The following SH3RF3 variants were observed in gnomAD, a reference collection of about 807,000 sequenced individuals.
SH3RF3 encodes the protein E3 ubiquitin-protein ligase SH3RF3.
In SH3RF3, 29 loss-of-function variants were observed where a neutral mutation model predicts 66.3. That is an observed-to-expected ratio of 0.44 (90% confidence interval 0.33 to 0.60). SH3RF3 has a LOEUF of 0.60. Ranked by LOEUF, SH3RF3 falls within the 20% of genes least tolerant of loss-of-function variation. SH3RF3 has a pLI of 0.04. For missense variants in SH3RF3, 1,194 were observed against 1,190.9 expected (o/e 1.00, Z -0.04); for synonymous variants, 583 against 532.0 (o/e 1.10, Z -1.32).
intron 1 of SH3RF3, among the ~76,000 whole-genome samples, chr2:109,241,336 G>A (rs576829968): frequency 2.6e-5 from 4 of 152,170 alleles, no homozygotes; most frequent in Non-Finnish European, 5.9e-5. Context: ...AGCATTTGAA[G>A]TGGAAAAAAA....
At chr2:109,263,536 TCA>T (rs371241861) in intron 1 of SH3RF3, among the ~76,000 whole-genome samples, 34 of 152,352 alleles carry the variant, frequency 2.2e-4, no homozygotes, top group African/African-American at 6.7e-4. Context: ...ATTGATTCTC[TCA>T]GTTTTATTCC....
chr2:109,306,809 A>T (rs1273172518), intron 1 of SH3RF3, among the ~76,000 whole-genome samples: 1 of 152,202 alleles, frequency 6.6e-6, no homozygotes, highest in African/African-American at 2.4e-5. Context: ...CTGGTTGATT[A>T]CGTATTTCCT....
At chr2:109,259,417 G>A (rs964845481) in intron 1 of SH3RF3, among the ~76,000 whole-genome samples, 1 of 152,230 alleles carries the variant, frequency 6.6e-6, no homozygotes, top group Non-Finnish European at 1.5e-5. Flanking sequence ...GGTCTACTCT[G>A]TTGTGATTTC....
At chr2:109,334,387 A>C (rs1682358705) in intron 1 of SH3RF3, among the ~76,000 whole-genome samples, 1 of 151,968 alleles carries the variant, frequency 6.6e-6, no homozygotes, top group African/African-American at 2.4e-5. Context: ...ATCTTAAAAA[A>C]AAATAAAGAC....
At chr2:109,215,524 C>T (rs559590312) in intron 1 of SH3RF3, among the ~76,000 whole-genome samples, 2 of 152,176 alleles carry the variant, frequency 1.3e-5, no homozygotes, top group East Asian at 3.9e-4. Context: ...TCGGAGTGCA[C>T]TCCTGCTTCT....
At chr2:109,385,810 A>G (rs1675808326) in intron 3 of SH3RF3, among the ~76,000 whole-genome samples, 1 of 152,232 alleles carries the variant, frequency 6.6e-6, no homozygotes, top group African/African-American at 2.4e-5. Flanking sequence ...CTGGCACCAG[A>G]AACAAAAAAA....
At chr2:109,275,068 T>C (rs1261841469) in intron 1 of SH3RF3, among the ~76,000 whole-genome samples, 1 of 152,224 alleles carries the variant, frequency 6.6e-6, no homozygotes, top group African/African-American at 2.4e-5. Flanking sequence ...TTAGAACATC[T>C]CAGAACAGCT....
At chr2:109,482,775 C>A (rs1365107193) in intron 8 of SH3RF3, among the ~76,000 whole-genome samples, 5 of 152,226 alleles carry the variant, frequency 3.3e-5, no homozygotes, top group Admixed American at 1.3e-4. Flanking sequence ...TGCTTCACCA[C>A]TGATAACAGC....
chr2:109,129,333 TCCCCGCCACGCAGGCCG>T lies in SH3RF3; in HGVS notation c.-207_-191del, dbSNP rs1676618797. ...GGACTGGGCGGGCTCGGCTGGCCGG[TCCCCGCCACGCAGGCCG>T]GTCCCCGCCACGCAGGCCGGTCGGT... On this transcript the variant is annotated 5_prime_UTR_variant, in exon 1 of 10. Coordinates refer to ENST00000309415, the MANE Select transcript of SH3RF3 (RefSeq NM_001099289.3). 3 of 1,308 alleles carry T rather than the reference TCCCCGCCACGCAGGCCG, an allele frequency of 2.3e-3. No homozygotes were observed. The highest frequency in any genetic ancestry group is 9.3e-4 in the African/African-American group (1 of 1,078). 0.1% of individuals were successfully genotyped at this position (1,308 alleles called of 1,614,324 possible).
intron 1 of SH3RF3, among the ~76,000 whole-genome samples, chr2:109,200,416 T>C (rs1678642178): frequency 6.6e-6 from 1 of 152,180 alleles, no homozygotes; most frequent in Non-Finnish European, 1.5e-5. Flanking sequence ...TCCCTCCATC[T>C]CTGATGGCTT....
intron 1 of SH3RF3, among the ~76,000 whole-genome samples, chr2:109,143,004 G>A (rs919899235): frequency 2.0e-5 from 3 of 152,076 alleles, no homozygotes; most frequent in Admixed American, 2.0e-4. Flanking sequence ...AGTGTGATTT[G>A]GCACTAGAGA....
chr2:109,129,325 C>T lies in SH3RF3; in HGVS notation c.-216C>T. 1 of 734,634 alleles carries T rather than the reference C, an allele frequency of 1.4e-6. No individual in the cohort carries two copies. Among genetic ancestry groups the T allele is most frequent in the Non-Finnish European group, 2.2e-6 (1 of 447,826 alleles). 45.5% of individuals were successfully genotyped at this position (734,634 alleles called of 1,614,324 possible). On this transcript the variant is annotated 5_prime_UTR_variant, in exon 1 of 10. Transcript: ENST00000309415. ...TGCGCTCAGGACTGGGCGGGCTCGG[C>T]TGGCCGGTCCCCGCCACGCAGGCCG...
At chr2:109,444,418 G>A (rs969469300) in intron 7 of SH3RF3, among the ~76,000 whole-genome samples, 1 of 152,192 alleles carries the variant, frequency 6.6e-6, no homozygotes, top group African/African-American at 2.4e-5. Context: ...GGCCTTGTTG[G>A]GTGACTTTCA....
chr2:109,408,269 G>T (rs911103521), intron 4 of SH3RF3, among the ~76,000 whole-genome samples: 1 of 152,182 alleles, frequency 6.6e-6, no homozygotes, highest in Non-Finnish European at 1.5e-5. Flanking sequence ...ATCAGTACAG[G>T]TAAAGCAGGA....
intron 8 of SH3RF3, among the ~76,000 whole-genome samples, chr2:109,468,820 C>G (rs1678427178): frequency 6.9e-6 from 1 of 145,524 alleles, no homozygotes; most frequent in Non-Finnish European, 1.5e-5. Context: ...CGGCAGTGCA[C>G]TCCAGCCTGG....
Position 109,383,203 on chromosome 2 carries a change from A to G in SH3RF3, c.945+11522A>G, listed in dbSNP as rs113935099. Among the ~76,000 whole-genome samples the G allele has an allele frequency of 9.6e-3, 1,459 of 152,348 alleles. 25 individuals carry two copies. Among genetic ancestry groups the G allele is most frequent in the African/African-American group, 0.033 (1,390 of 41,580 alleles). On this transcript the variant is annotated intron_variant, in intron 3 of 9. Transcript: ENST00000309415. ...GAGAGATTTGGCACTGGGTGCCTGT[A>G]GGATGACAGCAGCACTTCTTGGCTG...
At chr2:109,319,565 C>A (rs1681970279) in intron 1 of SH3RF3, among the ~76,000 whole-genome samples, 1 of 152,244 alleles carries the variant, frequency 6.6e-6, no homozygotes, top group African/African-American at 2.4e-5. Flanking sequence ...GGGCTGAAAA[C>A]AAGCCCAGTG....
chr2:109,449,612 C>G, intron 8 of SH3RF3, 123 bp downstream of exon 8: 1 of 1,235,470 alleles, frequency 8.1e-7, no homozygotes, highest in Non-Finnish European at 1.1e-6. Context: ...AGTGCCTGCC[C>G]CTAGATGAAC....
chr2:109,195,414 A>C (rs1299901565), intron 1 of SH3RF3, among the ~76,000 whole-genome samples: 1 of 152,232 alleles, frequency 6.6e-6, no homozygotes, highest in Non-Finnish European at 1.5e-5. Flanking sequence ...GCCTGCGGAC[A>C]CCAGCGTCTG....
Sources: allele counts gnomAD v4.1 joint callset (sites outside exome capture counted in the v4.1 genomes callset), GRCh38; gene constraint gnomAD v4.1.1; transcripts MANE v1.5; gene names NCBI Gene and HGNC (gene_info 2026-07-23, HGNC 2026-07-21).